The following SVEP1 variants were observed in gnomAD, a reference collection of about 807,000 sequenced individuals.
The protein encoded by SVEP1 is sushi, von Willebrand factor type A, EGF and pentraxin domain containing 1.
Under a neutral mutation model 367.3 loss-of-function variants are expected in SVEP1, and 164 were observed. The ratio of observed to expected loss-of-function variants is 0.45; its 90% CI spans 0.39 to 0.51. The LOEUF (loss-of-function observed/expected upper bound fraction) is 0.51. Among genes scored for constraint, SVEP1 ranks in the 20% least tolerant of loss-of-function variants. SVEP1 has a pLI of 0.00. For missense variants in SVEP1, 4,117 were observed against 4,425.3 expected (o/e 0.93, Z 1.98); for synonymous variants, 1,666 against 1,611.6 (o/e 1.03, Z -0.81).
At chr9:110,520,887 C>T (rs73655394) in intron 3 of SVEP1, among the ~76,000 whole-genome samples, 1,833 of 152,314 alleles carry the variant, frequency 0.012, 42 homozygotes, top group African/African-American at 0.042. Flanking sequence ...AGGCTGTGCA[C>T]TCCACAACTT....
intron 16 of SVEP1, among the ~76,000 whole-genome samples, chr9:110,470,999 A>T (rs537623703): frequency 6.6e-6 from 1 of 152,200 alleles, no homozygotes; most frequent in Non-Finnish European, 1.5e-5. Context: ...TCATCCGTAA[A>T]ATGTGTTTAA....
At chr9:110,495,484 C>T (rs1263805484) in intron 8 of SVEP1, among the ~76,000 whole-genome samples, 17 of 152,102 alleles carry the variant, frequency 1.1e-4, no homozygotes, top group African/African-American at 3.6e-4. Context: ...ACACAAACCA[C>T]CTAAAGTGCA....
intron 8 of SVEP1, among the ~76,000 whole-genome samples, chr9:110,496,058 T>C (rs1829441497): frequency 6.6e-6 from 1 of 152,226 alleles, no homozygotes; most frequent in South Asian, 2.1e-4. Context: ...ATCCATAGAA[T>C]GAAAAGTTTC....
intron 9 of SVEP1, among the ~76,000 whole-genome samples, chr9:110,486,034 C>T (rs1472734914): frequency 1.3e-5 from 2 of 152,058 alleles, no homozygotes; most frequent in East Asian, 3.8e-4. Context: ...CTCTGTAGAC[C>T]AGTGATGCAG....
At position 110,481,404 on chromosome 9, in the gene SVEP1, T is replaced by G. The variant is rs1453062191; in HGVS notation, c.2203A>C (p.Asn735His). 1 of 1,599,512 alleles carries G rather than the reference T, an allele frequency of 6.3e-7. No homozygotes were observed. Among genetic ancestry groups the G allele is most frequent in the Non-Finnish European group, 8.5e-7 (1 of 1,172,656 alleles). The change falls in exon 12 of 48, where the codon AAT becomes CAT. Residue 735 changes from asparagine to histidine, a missense_variant. Coordinates refer to ENST00000374469, the MANE Select transcript of SVEP1 (RefSeq NM_153366.4). ...SPCEIPFTPV[N>H]GDFICTPDNT... ...TCTGGAGTGCATATAAAATCCCCAT[T>G]TACAGGTGTGAATGGAATTTCACAG...
intron 8 of SVEP1, 60 bp downstream of exon 8, chr9:110,496,755 A>T: frequency 8.0e-7 from 1 of 1,248,314 alleles, no homozygotes; most frequent in Non-Finnish European, 1.1e-6. Context: ...TTCAACACAC[A>T]TATCTGCAGT....
rs1588051455 is a variant in SVEP1, at chr9:110,434,360, T to C, written c.5035A>G (p.Thr1679Ala). 1 of 1,610,252 alleles carries C rather than the reference T, an allele frequency of 6.2e-7. No individual in the cohort carries two copies. The highest frequency in any genetic ancestry group is 8.5e-7 in the Non-Finnish European group (1 of 1,177,180). Reference sequence around the variant, plus strand: ...CGTTCACAGTGAGGAAGTGGTTGTGTCCACTGTCCTTGATTCAGACAGTAC... The same window carrying C: ...CGTTCACAGTGAGGAAGTGGTTGTGCCCACTGTCCTTGATTCAGACAGTAC... ...VQYCLNQGQW[T>A]QPLPHCERIS... The change falls in exon 30 of 48, where the codon ACA becomes GCA. Residue 1679 changes from threonine (T) to alanine (A), a missense_variant. Physicochemically the swap from Thr to Ala is moderately conservative, Grantham distance 58 (BLOSUM62 0). Transcript: ENST00000374469.
intron 9 of SVEP1, among the ~76,000 whole-genome samples, chr9:110,488,589 T>C (rs893114756): frequency 5.9e-5 from 9 of 152,096 alleles, no homozygotes; most frequent in Admixed American, 5.9e-4. Context: ...TAGCTGGGTG[T>C]GGTGGCTCAC....
At chr9:110,493,332 T>C (rs1232217261) in intron 8 of SVEP1, among the ~76,000 whole-genome samples, 2 of 152,106 alleles carry the variant, frequency 1.3e-5, no homozygotes, top group Admixed American at 6.6e-5. Flanking sequence ...CCACACAGCC[T>C]TAAACAAATG....
intron 3 of SVEP1, among the ~76,000 whole-genome samples, chr9:110,541,818 TATCTATATATATCTATATACATA>T (rs1830150767): frequency 7.0e-6 from 1 of 141,856 alleles, no homozygotes; most frequent in African/African-American, 2.6e-5. Context: ...TATACATAGA[TATCTATATATATCTATATACATA>T]GATATCTATA....
intron 1 of SVEP1, among the ~76,000 whole-genome samples, chr9:110,564,758 C>A (rs1451668924): frequency 1.4e-5 from 2 of 145,752 alleles, no homozygotes; most frequent in African/African-American, 2.4e-5. Flanking sequence ...AAATTAAAAC[C>A]CAAATGATTC....
At chr9:110,438,902 T>C (rs964954613) in intron 27 of SVEP1, among the ~76,000 whole-genome samples, 43 of 152,320 alleles carry the variant, frequency 2.8e-4, no homozygotes, top group African/African-American at 1.0e-3. Flanking sequence ...ACCTATATCT[T>C]TAGCTGTATT....
At chr9:110,530,729 G>A (rs1435767877) in intron 3 of SVEP1, among the ~76,000 whole-genome samples, 1 of 151,920 alleles carries the variant, frequency 6.6e-6, no homozygotes. Context: ...TAGAGACGGG[G>A]TCTCACCATG....
chr9:110,501,669 C>T (rs1290632649), intron 6 of SVEP1, among the ~76,000 whole-genome samples: 2 of 152,020 alleles, frequency 1.3e-5, no homozygotes, highest in Non-Finnish European at 2.9e-5. Flanking sequence ...ATTGTTTCTC[C>T]ATAAGTGGCT....
chr9:110,471,265 G>T, intron 16 of SVEP1, 99 bp downstream of exon 16: 1 of 982,832 alleles, frequency 1.0e-6, no homozygotes, highest in Non-Finnish European at 1.5e-6. Flanking sequence ...AGCAAAATAT[G>T]TTTCATTTCA....
At chr9:110,492,451 T>TC (rs1038249468) in intron 8 of SVEP1, among the ~76,000 whole-genome samples, 40 of 152,236 alleles carry the variant, frequency 2.6e-4, no homozygotes, top group African/African-American at 9.4e-4. Context: ...TCTTATTTTT[T>TC]TTGCCACAGA....
chr9:110,513,618 C>T (rs986245127), intron 4 of SVEP1, among the ~76,000 whole-genome samples: 3 of 152,104 alleles, frequency 2.0e-5, no homozygotes, highest in African/African-American at 7.2e-5. Context: ...TCTCCAGAGC[C>T]AAGATGAGCT....
At chr9:110,567,692 T>C (rs1433332941) in intron 1 of SVEP1, among the ~76,000 whole-genome samples, 1 of 152,176 alleles carries the variant, frequency 6.6e-6, no homozygotes, top group African/African-American at 2.4e-5. Flanking sequence ...TTTCCATAGT[T>C]CTTCACCTGT....
chr9:110,426,900 T>C (rs1385191437), intron 36 of SVEP1, among the ~76,000 whole-genome samples: 1 of 152,220 alleles, frequency 6.6e-6, no homozygotes, highest in Non-Finnish European at 1.5e-5. Flanking sequence ...AACTTTATTA[T>C]CTTTTTTCCT....
Sources: gnomAD v4.1 joint callset for allele counts (sites outside exome capture counted in the v4.1 genomes callset) on GRCh38, gnomAD v4.1.1 for gene constraint, MANE v1.5 for transcripts, NCBI Gene and HGNC (gene_info 2026-07-23, HGNC 2026-07-21) for gene names.